The following PTPRD variants were observed in gnomAD, a reference collection of about 807,000 sequenced individuals.
PTPRD encodes the protein protein tyrosine phosphatase receptor type D.
A neutral mutation model predicts 214.5 loss-of-function variants in PTPRD; 34 were observed. The observed-to-expected ratio is 0.16, with a 90% CI of 0.12 to 0.21. The LOEUF (loss-of-function observed/expected upper bound fraction) is 0.21, where lower values mean the gene tolerates loss of function less well. Among genes scored for constraint, PTPRD ranks in the 10% least tolerant of loss-of-function variants. PTPRD has a pLI of 1.00. For missense variants in PTPRD, 2,545 were observed against 2,398.7 expected, an observed-to-expected ratio of 1.06 and a Z score of -1.27; for synonymous variants, 1,128 against 845.7, an observed-to-expected ratio of 1.33 and a Z score of -5.79.
In PTPRD at chr9:8,938,575, C is replaced by T. The variant is rs2099012513; in HGVS notation, c.-104+80122G>A. Among the ~76,000 whole-genome samples the T allele has an allele frequency of 3.3e-5, 5 of 152,170 alleles. No individual in the cohort carries two copies. In the South Asian group the frequency reaches 8.3e-4, roughly 25 times the overall value. ...AGCACATAGAGTATTTAGGTTCACA[C>T]CTCCTCATAATTGCAGGTCGGTAAA... On this transcript the variant is annotated intron_variant, in intron 11 of 45. Coordinates refer to ENST00000381196, the MANE Select transcript of PTPRD (RefSeq NM_002839.4).
At chr9:10,332,625 C>A (rs1040894413) in intron 3 of PTPRD, among the ~76,000 whole-genome samples, 1 of 151,756 alleles carries the variant, frequency 6.6e-6, no homozygotes, top group Non-Finnish European at 1.5e-5. Flanking sequence ...GTTCTAAATC[C>A]TATATGTAAA....
Position 8,552,872 on chromosome 9 carries a change from G to C in PTPRD, c.353-24093C>G, listed in dbSNP as rs559014321. Among the ~76,000 whole-genome samples the C allele has an allele frequency of 1.5e-4, 23 of 152,300 alleles. No individual in the cohort carries two copies. In the South Asian group the frequency reaches 3.1e-3, roughly 21 times the overall value. ...TCACTAGCACTGGGGCTGCTTGTGA[G>C]CCCCACGACTGCCGCTGTGTGACAA... On this transcript the variant is annotated intron_variant, in intron 14 of 45. Transcript: ENST00000381196.
At chr9:10,492,994 C>T (rs1343558176) in intron 2 of PTPRD, among the ~76,000 whole-genome samples, 1 of 152,072 alleles carries the variant, frequency 6.6e-6, no homozygotes, top group African/African-American at 2.4e-5. Context: ...AACTCCCATT[C>T]ACAATTGCTA....
At chr9:8,617,915 G>A (rs917592393) in intron 14 of PTPRD, among the ~76,000 whole-genome samples, 13 of 152,038 alleles carry the variant, frequency 8.6e-5, no homozygotes, top group East Asian at 1.9e-4. Context: ...AAGATGTACC[G>A]TCTTTGAGTC....
intron 14 of PTPRD, among the ~76,000 whole-genome samples, chr9:8,550,747 T>C (rs1442183590): frequency 6.6e-6 from 1 of 152,222 alleles, no homozygotes; most frequent in Non-Finnish European, 1.5e-5. Flanking sequence ...ATAGATCCAT[T>C]GGCCCTATAG....
chr9:8,620,263 G>T (rs947221487), intron 14 of PTPRD, among the ~76,000 whole-genome samples: 3 of 151,960 alleles, frequency 2.0e-5, no homozygotes, highest in African/African-American at 7.2e-5. Flanking sequence ...AAAGAAATCT[G>T]AAGATCTTCT....
chr9:9,696,990 CAT>C (rs1251816079), intron 7 of PTPRD, among the ~76,000 whole-genome samples: 15 of 151,996 alleles, frequency 9.9e-5, no homozygotes, highest in African/African-American at 3.6e-4. Flanking sequence ...CTTACAAAAA[CAT>C]ATAAAAATTT....
intron 10 of PTPRD, among the ~76,000 whole-genome samples, chr9:9,042,197 G>C (rs1028075484): frequency 4.6e-5 from 7 of 152,164 alleles, no homozygotes; most frequent in African/African-American, 1.7e-4. Context: ...TCTGCAACCA[G>C]AGCTTTAGGT....
chr9:9,044,886 G>C (rs1169703407), intron 10 of PTPRD, among the ~76,000 whole-genome samples: 1 of 152,164 alleles, frequency 6.6e-6, no homozygotes, highest in African/African-American at 2.4e-5. Context: ...ATAATGGTGT[G>C]TCTAGAAGCA....
In PTPRD at chr9:9,955,969, T is replaced by TG. The variant is rs535343357; in HGVS notation, c.-471-17360dup. On this transcript the variant is annotated intron_variant, in intron 4 of 45. Transcript: ENST00000381196. ...CATTTTTAAATTATAACAGGAGTGGTGGGGGGGATCTAAAATCTTACACAA... is the reference window on the plus strand; with the variant it reads ...CATTTTTAAATTATAACAGGAGTGGTGGGGGGGGATCTAAAATCTTACACAA... 2.0e-3 allele frequency among the ~76,000 whole-genome samples: 302 copies of TG among 152,114 alleles called. 3 individuals carry two copies. The South Asian group carries it at 0.032, about 16-fold the overall frequency.
chr9:9,732,561 T>A (rs1021501605), intron 7 of PTPRD, among the ~76,000 whole-genome samples: 17 of 152,112 alleles, frequency 1.1e-4, no homozygotes, highest in African/African-American at 4.1e-4. Context: ...CAGATCCAAC[T>A]TTTGCAACTA....
At chr9:10,513,714 C>T (rs926200595) in intron 2 of PTPRD, among the ~76,000 whole-genome samples, 1 of 152,104 alleles carries the variant, frequency 6.6e-6, no homozygotes, top group African/African-American at 2.4e-5. Flanking sequence ...GCCTGATTTG[C>T]CAAGTCTCTA....
chr9:9,156,744 A>G (rs1396529028), intron 10 of PTPRD, among the ~76,000 whole-genome samples: 2 of 134,178 alleles, frequency 1.5e-5, no homozygotes, highest in Admixed American at 1.4e-4. Flanking sequence ...TACCTTGTCA[A>G]AAATCTTAGA....
chr9:9,188,581 G>A (rs768067239), intron 9 of PTPRD, among the ~76,000 whole-genome samples: 2 of 152,042 alleles, frequency 1.3e-5, no homozygotes, highest in African/African-American at 2.4e-5. Context: ...GAGAGGGAGT[G>A]AAGGCTTGGA....
intron 14 of PTPRD, among the ~76,000 whole-genome samples, chr9:8,529,470 C>T (rs2075115714): frequency 6.6e-6 from 1 of 152,082 alleles, no homozygotes; most frequent in South Asian, 2.1e-4. Context: ...ACACATGTTC[C>T]TTACAGGGAT....
intron 3 of PTPRD, among the ~76,000 whole-genome samples, chr9:10,066,569 T>A (rs541006847): frequency 6.6e-6 from 1 of 151,988 alleles, no homozygotes; most frequent in East Asian, 1.9e-4. Context: ...ATTTTTAGCA[T>A]AAAATCATGC....
At chr9:10,313,418 A>ACACACACACACACACACACACACAC (rs1565224183) in intron 3 of PTPRD, among the ~76,000 whole-genome samples, 1 of 151,536 alleles carries the variant, frequency 6.6e-6, no homozygotes, top group African/African-American at 2.4e-5. Flanking sequence ...ACACACACAC[A>ACACACACACACACACACACACACAC]AATTTTTAAA....
intron 7 of PTPRD, among the ~76,000 whole-genome samples, chr9:9,624,990 G>T (rs1202143968): frequency 1.3e-5 from 2 of 152,130 alleles, no homozygotes; most frequent in Admixed American, 6.5e-5. Flanking sequence ...ATAAATACTT[G>T]CCTTGTGCCT....
intron 21 of PTPRD, among the ~76,000 whole-genome samples, chr9:8,508,889 G>GTC (rs763226084): frequency 1.2e-3 from 112 of 96,544 alleles, no homozygotes; most frequent in Middle Eastern, 0.01. Flanking sequence ...GTGTGTGTGT[G>GTC]TCTGTGTGTG....
Sources: gnomAD v4.1 joint callset for allele counts (sites outside exome capture counted in the v4.1 genomes callset) on GRCh38, gnomAD v4.1.1 for gene constraint, MANE v1.5 for transcripts, NCBI Gene and HGNC (gene_info 2026-07-23, HGNC 2026-07-21) for gene names.